Variants in CCT8 observed in about 807,000 individuals in gnomAD.
CCT8 encodes chaperonin containing TCP1 subunit 8.
CCT8 carries 10 observed loss-of-function variants against 65.7 expected under a neutral mutation model. The observed-to-expected ratio is 0.15, with a 90% CI of 0.09 to 0.26. CCT8 has a LOEUF of 0.26. Ranked by LOEUF, CCT8 falls within the 10% of genes least tolerant of loss-of-function variation. The pLI is 1.00. For missense variants in CCT8, 568 were observed against 669.1 expected (o/e 0.85, Z 1.67); for synonymous variants, 199 against 221.8 (o/e 0.90, Z 0.92).
intron 8 of CCT8, 154 bp from the exon 9 acceptor site, chr21:29,062,710 T>C (rs943500538): frequency 1.5e-6 from 1 of 646,360 alleles, no homozygotes; most frequent in Non-Finnish European, 2.7e-6. Context: ...CAATGAACAC[T>C]AAGGCCAGGA....
chr21:29,065,137 T>G, intron 6 of CCT8, 32 bp from the exon 7 acceptor site: 1 of 1,605,606 alleles, frequency 6.2e-7, no homozygotes, highest in Non-Finnish European at 8.5e-7. Flanking sequence ...TCATCAGCAA[T>G]CTCCTGAAAA....
intron 2 of CCT8, 21 bp downstream of exon 2, chr21:29,070,226 A>C (rs763228950): frequency 5.4e-6 from 8 of 1,471,630 alleles, no homozygotes; most frequent in Non-Finnish European, 6.6e-6. Flanking sequence ...GTATCTTTAC[A>C]AATATTAATT....
intron 6 of CCT8, among the ~76,000 whole-genome samples, chr21:29,065,403 C>G (rs1198086241): frequency 6.6e-6 from 1 of 152,186 alleles, no homozygotes; most frequent in Non-Finnish European, 1.5e-5. Flanking sequence ...TGCCAATATA[C>G]CAGCCACAGC....
rs180857608 is a variant in CCT8 at position 29,063,339 on chromosome 21, G to A, written c.941+13C>T. 6.0e-5 allele frequency: 96 copies of A among 1,596,178 alleles called. No homozygotes were observed. In the Middle Eastern group the frequency reaches 6.4e-4, roughly 11 times the overall value. ...TATGATATAGGTAAAAAAAAAAATC[G>A]GCTTTTTCTTACCTCACTAACATGA... On this transcript the variant is annotated intron_variant, in intron 8 of 14. Coordinates refer to ENST00000286788, the MANE Select transcript of CCT8 (RefSeq NM_006585.4).
chr21:29,057,381 G>A (rs1280949528), intron 14 of CCT8, among the ~76,000 whole-genome samples: 1 of 150,976 alleles, frequency 6.6e-6, no homozygotes, highest in Admixed American at 6.6e-5. Flanking sequence ...ACGTTGGCCA[G>A]GCTGGTCTCA....
chr21:29,056,720 A>C (rs1380626069), intron 14 of CCT8, among the ~76,000 whole-genome samples, 168 bp from the exon 15 acceptor site: 1 of 152,256 alleles, frequency 6.6e-6, no homozygotes, highest in East Asian at 1.9e-4. Flanking sequence ...TTAGAAATTC[A>C]ATTGTAAACT....
intron 2 of CCT8, 35 bp from the exon 3 acceptor site, chr21:29,069,537 C>T (rs764514259): frequency 7.8e-7 from 1 of 1,288,942 alleles, no homozygotes; most frequent in Non-Finnish European, 1.1e-6. Flanking sequence ...AAAAAGAAAG[C>T]CATTATTAAT....
intron 3 of CCT8, 96 bp from the exon 4 acceptor site, chr21:29,067,801 G>T: frequency 3.3e-6 from 3 of 895,628 alleles, no homozygotes; most frequent in Non-Finnish European, 4.7e-6. Context: ...TTTTCTTGTA[G>T]ATTAGGTAAC....
chr21:29,072,886 A>G (rs796283223), intron 1 of CCT8, among the ~76,000 whole-genome samples: 4 of 152,334 alleles, frequency 2.6e-5, no homozygotes, highest in African/African-American at 9.6e-5. Flanking sequence ...ACTCAAAGAC[A>G]CCACCTCTTG....
intron 2 of CCT8, 97 bp downstream of exon 2, chr21:29,070,150 G>A (rs1308092542): frequency 4.8e-5 from 30 of 623,310 alleles, no homozygotes; most frequent in South Asian, 9.1e-5. Flanking sequence ...ATTAACTTCC[G>A]AAGTCATACC....
rs780436925 is a variant in CCT8, at chr21:29,066,996, T to G, written c.457A>C (p.Asn153His). The change falls in exon 5 of 15, where the codon AAC (asparagine) becomes CAC (histidine). Residue 153 changes from asparagine (N) to histidine (H), a missense_variant. Asn to His is a moderately conservative substitution (Grantham distance 68). Transcript: ENST00000286788. ...GAGACTTCATCAATATCTCGAAGGT[T>G]TTTTGCAGAACAACATACCAAATTA... ...LPNLVCCSAK[N>H]LRDIDEVSSL... is the part of the protein sequence containing the mutation. The G allele has an allele frequency of 1.9e-6, 3 of 1,613,678 alleles. No homozygotes were observed. Among genetic ancestry groups the G allele is most frequent in the South Asian group, 1.1e-5 (1 of 91,076 alleles).
intron 7 of CCT8, 21 bp downstream of exon 7, chr21:29,064,947 T>G: frequency 6.2e-7 from 1 of 1,609,352 alleles, no homozygotes; most frequent in Non-Finnish European, 8.5e-7. Context: ...TTATTACTTT[T>G]AAGGTTTGAA....
rs2085574170 is a variant in CCT8, at chr21:29,062,411, G to A, written c.1013C>T (p.Pro338Leu). Residue 338 changes from proline (P) to leucine (L), a missense_variant, in exon 10 of 15, where the codon CCT (proline) becomes CTT (leucine). Coordinates refer to ENST00000286788, the MANE Select transcript of CCT8 (RefSeq NM_006585.4). ...GTGTCCCATTTCTTCAAGGACAGGA[G>A]GTGTCTGTAAGAAAGTGACTGTTGT... ...VGATALPRLT[P>L]PVLEEMGHCD... is the part of the protein sequence containing the mutation. The A allele has an allele frequency of 6.2e-7, 1 of 1,613,070 alleles. No individual in the cohort carries two copies. The highest frequency in any genetic ancestry group is 8.5e-7 in the Non-Finnish European group (1 of 1,179,094).
intron 1 of CCT8, chr21:29,071,853 A>G (rs1360139112): frequency 1.9e-5 from 13 of 682,546 alleles, no homozygotes; most frequent in Middle Eastern, 2.7e-4. Flanking sequence ...AGACCCTTCA[A>G]TGGTTTCCCA....
intron 1 of CCT8, among the ~76,000 whole-genome samples, chr21:29,072,964 G>A (rs1300100410): frequency 6.6e-6 from 1 of 152,202 alleles, no homozygotes; most frequent in African/African-American, 2.4e-5. Context: ...GATTAAGCCA[G>A]CTAACATAAG....
intron 3 of CCT8, among the ~76,000 whole-genome samples, chr21:29,068,506 C>T (rs2085648262): frequency 6.6e-6 from 1 of 151,986 alleles, no homozygotes; most frequent in African/African-American, 2.4e-5. Flanking sequence ...GTCGCCCAGG[C>T]TGGAGTGCAG....
chr21:29,067,545 T>C lies in CCT8; in HGVS notation c.381+11A>G. The C allele has an allele frequency of 6.9e-7, 1 of 1,440,300 alleles. No homozygotes were observed. Among genetic ancestry groups the C allele is most frequent in the Non-Finnish European group, 9.1e-7 (1 of 1,100,402 alleles). 89.2% of individuals were successfully genotyped at this position (1,440,300 alleles called of 1,614,324 possible). On this transcript the variant is annotated intron_variant, in intron 4 of 14. Coordinates refer to ENST00000286788, the MANE Select transcript of CCT8 (RefSeq NM_006585.4). ...AAATTTAGTAGGAGTAAATTATAAA[T>C]GAACACTTGCCTCTGAAACTGACAG...
At chr21:29,062,831 G>C (rs904935594) in intron 8 of CCT8, 9 of 473,682 alleles carry the variant, frequency 1.9e-5, no homozygotes, top group African/African-American at 2.0e-5. Flanking sequence ...ACTTTAGGAT[G>C]TCAGTGGTTT....
chr21:29,071,283 G>A (rs1302812033), intron 1 of CCT8, among the ~76,000 whole-genome samples: 2 of 152,148 alleles, frequency 1.3e-5, no homozygotes, highest in East Asian at 1.9e-4. Context: ...ACTGGACAGC[G>A]CTGATACAGC....
Sources: gnomAD v4.1 joint callset for allele counts (sites outside exome capture counted in the v4.1 genomes callset) on GRCh38, gnomAD v4.1.1 for gene constraint, MANE v1.5 for transcripts, NCBI Gene and HGNC (gene_info 2026-07-23, HGNC 2026-07-21) for gene names.